SEC22C: variants seen among roughly 807,000 people sequenced by gnomAD.
The protein encoded by SEC22C is vesicle-trafficking protein SEC22c.
Under a neutral mutation model 34.7 loss-of-function variants are expected in SEC22C, and 29 were observed. That is an observed-to-expected ratio of 0.84 (90% confidence interval 0.62 to 1.14). The LOEUF is 1.14. Ranked by LOEUF, SEC22C falls within the 50% of genes most tolerant of loss-of-function variation. The pLI, the probability that SEC22C is intolerant of heterozygous loss-of-function variation, is 0.00. For missense variants in SEC22C, 337 were observed against 369.0 expected, an observed-to-expected ratio of 0.91 and a Z score of 0.71; for synonymous variants, 117 against 132.8, an observed-to-expected ratio of 0.88 and a Z score of 0.82.
intron 2 of SEC22C, chr3:42,564,162 T>A: frequency 9.6e-6 from 3 of 313,152 alleles, no homozygotes; most frequent in South Asian, 5.8e-5. Flanking sequence ...CAAATAAGAC[T>A]GGCCTATAAT....
In SEC22C at chr3:42,569,069, G is replaced by A; in HGVS notation, c.-23C>T. 6.2e-7 allele frequency: 1 copy of A among 1,606,652 alleles called. No homozygotes were observed. The highest frequency in any genetic ancestry group is 8.5e-7 in the Non-Finnish European group (1 of 1,175,318). On this transcript the variant is annotated 5_prime_UTR_variant, in exon 2 of 7. Transcript: ENST00000264454. ...CATGGTCCACAAGAGAAGTCATGAGGACACCTGAGGAAAGCAAGGTCACCT... is the reference window on the plus strand; with the variant it reads ...CATGGTCCACAAGAGAAGTCATGAGAACACCTGAGGAAAGCAAGGTCACCT...
At position 42,591,143 on chromosome 3, in the gene SEC22C, C is replaced by T. The variant is rs1704820490; in HGVS notation, c.-28+9817G>A. The T allele has an allele frequency of 4.4e-6, 3 of 676,500 alleles. No homozygotes were observed. In the Admixed American group the frequency reaches 6.9e-5, roughly 16 times the overall value. The allele number at this position is 676,500 out of a possible 1,614,324, so 41.9% of individuals were successfully genotyped here. A position where few individuals can be genotyped will look rare whatever the true frequency, so the allele number is the denominator to read the frequency against. ...CAGCACAGGCGCCGGGGCAGGACCC[C>T]GGCATGGGGTTCGGTCCCCCGCCGT... On this transcript the variant is annotated intron_variant, in intron 1 of 6. Coordinates refer to the SEC22C transcript ENST00000417572.
intron 6 of SEC22C, among the ~76,000 whole-genome samples, chr3:42,555,208 G>A (rs951113673): frequency 6.6e-6 from 1 of 152,082 alleles, no homozygotes; most frequent in Admixed American, 6.6e-5. Context: ...TTAGCCAGGT[G>A]TGGTGGTGGG....
intron 1 of SEC22C, among the ~76,000 whole-genome samples, chr3:42,592,910 T>C (rs928169002): frequency 2.0e-5 from 3 of 152,174 alleles, no homozygotes; most frequent in Admixed American, 6.6e-5. Context: ...AAATGTTTTG[T>C]CCCTTCTTGA....
chr3:42,563,177 A>T (rs550200614), intron 3 of SEC22C, among the ~76,000 whole-genome samples: 76 of 152,368 alleles, frequency 5.0e-4, no homozygotes, highest in African/African-American at 1.6e-3. Context: ...CATGTAAAAG[A>T]ATAAGCATAG....
intron 6 of SEC22C, among the ~76,000 whole-genome samples, chr3:42,554,736 A>G (rs899101447): frequency 6.6e-6 from 1 of 152,142 alleles, no homozygotes; most frequent in Non-Finnish European, 1.5e-5. Context: ...AAGGGAGAAA[A>G]AATATGTATT....
chr3:42,596,935 C>T (rs1472048686), intron 1 of SEC22C, among the ~76,000 whole-genome samples: 1 of 152,196 alleles, frequency 6.6e-6, no homozygotes, highest in East Asian at 1.9e-4. Context: ...AGCTCTAAAA[C>T]CTATTTACAT....
intron 1 of SEC22C, among the ~76,000 whole-genome samples, chr3:42,575,921 G>A (rs1328489122): frequency 6.6e-6 from 1 of 152,158 alleles, no homozygotes; most frequent in Non-Finnish European, 1.5e-5. Context: ...AGGAGTTTAA[G>A]TCAAGAAACC....
intron 1 of SEC22C, chr3:42,590,895 G>T: frequency 6.2e-7 from 1 of 1,613,766 alleles, no homozygotes; most frequent in African/African-American, 1.3e-5. Flanking sequence ...GAGGTTCCTC[G>T]GGATGTCGGT....
intron 1 of SEC22C, chr3:42,590,815 G>A (rs1344657075): frequency 7.9e-6 from 11 of 1,386,450 alleles, no homozygotes; most frequent in Middle Eastern, 1.8e-4. Flanking sequence ...GTAGGCGGGA[G>A]CATCCAATCA....
At chr3:42,595,765 C>T (rs553644242) in intron 1 of SEC22C, among the ~76,000 whole-genome samples, 3 of 152,294 alleles carry the variant, frequency 2.0e-5, no homozygotes, top group African/African-American at 4.8e-5. Flanking sequence ...AGGGTTGCAA[C>T]CTAGGGCAAC....
At position 42,560,121 on chromosome 3, in the gene SEC22C, T is replaced by TCTAC. The variant is rs1702795752; in HGVS notation, c.526+995_526+996insGTAG. On this transcript the variant is annotated intron_variant, in intron 4 of 6. Transcript: ENST00000264454. ...TTCTCTCTCTCTCTCTCTCTCTCTC[T>TCTAC]ATATATATATATATATAAATAATAA... Among the ~76,000 whole-genome samples, 5 of 62,968 alleles carry TCTAC rather than the reference T, an allele frequency of 7.9e-5. No homozygotes were observed. In the East Asian group the frequency reaches 3.4e-3, roughly 43 times the overall value. 41.3% of individuals were successfully genotyped at this position (62,968 alleles called of 152,430 possible). A position where few individuals can be genotyped will look rare whatever the true frequency, so the allele number is the denominator to read the frequency against.
At chr3:42,586,227 C>T (rs923880778), upstream of SEC22C, among the ~76,000 whole-genome samples, 2 of 152,102 alleles carry the variant, frequency 1.3e-5, no homozygotes, top group East Asian at 3.9e-4. Context: ...CTTCCTTGTT[C>T]TTTTGTTGTT....
chr3:42,600,690 G>A (rs1705290817), intron 1 of SEC22C: 1 of 225,556 alleles, frequency 4.4e-6, no homozygotes, highest in Admixed American at 5.9e-5. Context: ...GGAGGAGACG[G>A]CGTTCCGTTA....
Position 42,594,731 on chromosome 3 carries a change from A to G in SEC22C, c.-28+6229T>C, listed in dbSNP as rs1239609890. ...TTTAAATAATTAAGCAAATCCCTCA[A>G]TAAGTTGAGCCCAGGTGTCCTCTTT... On this transcript the variant is annotated intron_variant, in intron 1 of 6. Coordinates refer to the SEC22C transcript ENST00000417572. The G allele has an allele frequency of 2.8e-5, 11 of 388,090 alleles. No individual in the cohort carries two copies. The Admixed American group carries it at 3.7e-4, about 13-fold the overall frequency. 24.0% of individuals were successfully genotyped at this position (388,090 alleles called of 1,614,324 possible).
chr3:42,589,922 G>A (rs1268638364), intron 1 of SEC22C, among the ~76,000 whole-genome samples: 1 of 152,146 alleles, frequency 6.6e-6, no homozygotes, highest in African/African-American at 2.4e-5. Flanking sequence ...TGCATCTTGC[G>A]GCACAACACC....
At position 42,551,773 on chromosome 3, in the gene SEC22C, A is replaced by G. The variant is rs1702271740; in HGVS notation, c.*1475T>C. 1.0e-6 allele frequency: 1 copy of G among 970,188 alleles called. No homozygotes were observed. Among genetic ancestry groups the G allele is most frequent in the Non-Finnish European group, 1.2e-6 (1 of 816,040 alleles). 60.1% of individuals were successfully genotyped at this position (970,188 alleles called of 1,614,324 possible). A position where few individuals can be genotyped will look rare whatever the true frequency, so the allele number is the denominator to read the frequency against. ...CTTAAAATGATAACAAGGTAGCTCAATAACAATACAATACCAGTGATAACC... is the reference window on the plus strand; with the variant it reads ...CTTAAAATGATAACAAGGTAGCTCAGTAACAATACAATACCAGTGATAACC... On this transcript the variant is annotated 3_prime_UTR_variant, in exon 7 of 7. Transcript: ENST00000264454.
Position 42,552,375 on chromosome 3 carries a change from C to T in SEC22C, c.*873G>A, listed in dbSNP as rs972819181. The T allele has an allele frequency of 3.0e-6, 3 of 985,316 alleles. No individual in the cohort carries two copies. The highest frequency in any genetic ancestry group is 3.6e-6 in the Non-Finnish European group (3 of 829,952). The allele number at this position is 985,316 out of a possible 1,614,324, so 61.0% of individuals were successfully genotyped here. On this transcript the variant is annotated 3_prime_UTR_variant, in exon 7 of 7. Transcript: ENST00000264454. ...AAAGGCTGATGACAGCAGCCCCTCCCAAGCGGATCTGTAAAGTGCCACTGA... is the reference window on the plus strand; with the variant it reads ...AAAGGCTGATGACAGCAGCCCCTCCTAAGCGGATCTGTAAAGTGCCACTGA...
chr3:42,591,528 C>T (rs1165644226), intron 1 of SEC22C: 1 of 1,613,448 alleles, frequency 6.2e-7, no homozygotes, highest in Non-Finnish European at 8.5e-7. Flanking sequence ...CTTTCAGCTC[C>T]TTGAGGAGAA....
Sources: gnomAD v4.1 joint callset for allele counts (sites outside exome capture counted in the v4.1 genomes callset) on GRCh38, gnomAD v4.1.1 for gene constraint, MANE v1.5 for transcripts, NCBI Gene and HGNC (gene_info 2026-07-23, HGNC 2026-07-21) for gene names.